The following AMELX variants were observed in gnomAD, a reference collection of about 807,000 sequenced individuals.
AMELX encodes amelogenin X-linked.
AMELX carries 9 observed loss-of-function variants against 15.8 expected under a neutral mutation model. That is an observed-to-expected ratio of 0.57 (90% CI 0.34 to 0.99). AMELX has a LOEUF of 0.99. AMELX is among the 50% of genes least tolerant of loss of function. The pLI is 0.02. For synonymous variants in AMELX, 61 were observed against 58.8 expected (o/e 1.04, Z -0.17); for missense variants, 107 against 156.2 (o/e 0.68, Z 1.68).
rs771907722 is a variant in AMELX at position 11,294,931 on chromosome X, A to G, written c.54+89A>G. On this transcript the variant is annotated intron_variant, in intron 2 of 5. Coordinates refer to ENST00000380714, the MANE Select transcript of AMELX (RefSeq NM_001142.2). ...CTCATAGTTGGTGAAATTAGGGTTTAAAACAGTATGAGATCAGATGTCTTC... is the reference window on the plus strand; with the variant it reads ...CTCATAGTTGGTGAAATTAGGGTTTGAAACAGTATGAGATCAGATGTCTTC... 5 of 983,139 alleles carry G rather than the reference A, an allele frequency of 5.1e-6. No homozygotes were observed. In the Admixed American group the frequency reaches 6.6e-5, roughly 13 times the overall value. 81.0% of individuals were successfully genotyped at this position (983,139 alleles called of 1,213,427 possible).
At chrX:11,296,864 G>A (rs1007196321) in intron 3 of AMELX, 38 bp downstream of exon 3, 16 of 1,175,182 alleles carry the variant, frequency 1.4e-5, no homozygotes, top group East Asian at 1.2e-4. Flanking sequence ...CATTGTTTGC[G>A]TTAACAATGC....
chrX:11,295,711 C>T (rs927219285), intron 2 of AMELX, among the ~76,000 whole-genome samples: 20 of 111,764 alleles, frequency 1.8e-4, no homozygotes, highest in African/African-American at 6.5e-4. Flanking sequence ...CTCAGGGGTC[C>T]CTGCCTTACA....
In AMELX at chrX:11,300,570, T is replaced by C. The variant is rs376830760; in HGVS notation, c.571-37T>C. 1.5e-5 allele frequency: 17 copies of C among 1,131,284 alleles called. No homozygotes were observed. The African/African-American group carries it at 2.7e-4, about 18-fold the overall frequency. The allele number at this position is 1,131,284 out of a possible 1,213,427, so 93.2% of individuals were successfully genotyped here. ...AAATGGTACTCACTAGGAACATTTG[T>C]AAATTATTTTAACTGTTCTTTTGCA... is the stretch of plus-strand genomic sequence containing the variant. On this transcript the variant is annotated intron_variant, in intron 5 of 5. Coordinates refer to ENST00000380714, the MANE Select transcript of AMELX (RefSeq NM_001142.2).
chrX:11,301,898 C>T (rs904999453), downstream of AMELX, among the ~76,000 whole-genome samples: 2 of 112,129 alleles, frequency 1.8e-5, no homozygotes, highest in Admixed American at 9.4e-5. Flanking sequence ...ATATCCTTGG[C>T]TAGCTGTCCA....
At chrX:11,300,084 T>C (rs1461765166) in intron 5 of AMELX, among the ~76,000 whole-genome samples, 1 of 112,064 alleles carries the variant, frequency 8.9e-6, no homozygotes, top group Non-Finnish European at 1.9e-5. Context: ...GTGCCTATCA[T>C]TGGCTATTCT....
chrX:11,298,752 C>A lies in AMELX; in HGVS notation c.349C>A (p.Pro117Thr). The A allele has an allele frequency of 8.3e-7, 1 of 1,211,295 alleles. No homozygotes were observed. Among genetic ancestry groups the A allele is most frequent in the Non-Finnish European group, 1.1e-6 (1 of 895,414 alleles). ...HSMTPIQHHQPNLPPPAQQPY... is the reference protein window; with the variant it reads ...HSMTPIQHHQTNLPPPAQQPY... ...CATGACTCCAATCCAACACCACCAG[C>A]CAAACCTCCCTCCGCCCGCCCAGCA... Residue 117 changes from proline (P) to threonine (T), a missense_variant, in exon 5 of 6, where the codon CCA (proline) becomes ACA (threonine). Transcript: ENST00000380714.
chrX:11,298,622 C>T lies in AMELX; in HGVS notation c.219C>T (p.His73=), dbSNP rs2106416. Residue 73 remains histidine, a synonymous_variant, in exon 5 of 6, where the codon CAC becomes CAT. Coordinates refer to ENST00000380714, the MANE Select transcript of AMELX (RefSeq NM_001142.2). ...TCATCCCCGTGCTGTCCCAACAGCA[C>T]CCCCCGACTCACACCCTGCAGCCTC... is the stretch of plus-strand genomic sequence containing the variant. ...HQIIPVLSQQ[H]PPTHTLQPHH... 0.2 allele frequency: 245,578 copies of T among 1,207,173 alleles called. 17,793 individuals carry two copies. The highest frequency in any genetic ancestry group is 0.29 in the African/African-American group (16,110 of 56,157).
At chrX:11,300,900 A>G (rs2048165952), downstream of AMELX, 1 of 227,293 alleles carries the variant, frequency 4.4e-6, no homozygotes, top group Non-Finnish European at 8.0e-6. Context: ...TAAGGAATAT[A>G]TTTCTTTTTA....
the AMELX span, among the ~76,000 whole-genome samples, chrX:11,305,916 A>G: frequency 8.9e-6 from 1 of 112,147 alleles, no homozygotes; most frequent in East Asian, 2.8e-4. Flanking sequence ...ATGATTAAGC[A>G]CTGACCTTGG....
chrX:11,294,504 A>T (rs2048048400), intron 1 of AMELX, among the ~76,000 whole-genome samples: 1 of 112,015 alleles, frequency 8.9e-6, no homozygotes, highest in Admixed American at 9.5e-5. Context: ...GGAAAATGGC[A>T]TGCAAAGTCA....
chrX:11,302,496 T>C (rs1202114153), downstream of AMELX, among the ~76,000 whole-genome samples: 1 of 111,520 alleles, frequency 9.0e-6, no homozygotes, highest in African/African-American at 3.3e-5. Flanking sequence ...CTAAAATGGT[T>C]TCCCCTCTAG....
chrX:11,306,079 C>T, the AMELX span, among the ~76,000 whole-genome samples: 2 of 111,428 alleles, frequency 1.8e-5, no homozygotes, highest in Non-Finnish European at 3.8e-5. Context: ...CACCTCAATG[C>T]CACCTCTTCT....
intron 2 of AMELX, 92 bp from the exon 3 acceptor site, chrX:11,296,687 G>A: frequency 1.0e-6 from 1 of 992,737 alleles, no homozygotes; most frequent in South Asian, 2.0e-5. Context: ...GTGAACAATT[G>A]CATACTGACT....
In AMELX at chrX:11,298,921, ATCTGAC is replaced by A; in HGVS notation, c.523_528del (p.Thr175_Leu176del). On this transcript the variant is annotated inframe_deletion, in exon 5 of 6. Transcript: ENST00000380714. ...CAGCCCCTGCCTCCCATGCTTCCTGATCTGACTCTGGAAGCTTGGCCATCAACAGAC... is the reference window on the plus strand; with the variant it reads ...CAGCCCCTGCCTCCCATGCTTCCTGATCTGGAAGCTTGGCCATCAACAGAC... 8.3e-7 allele frequency: 1 copy of A among 1,210,889 alleles called. No individual in the cohort carries two copies. The highest frequency in any genetic ancestry group is 1.1e-6 in the Non-Finnish European group (1 of 895,309).
chrX:11,299,497 G>C (rs1321339220), intron 5 of AMELX, among the ~76,000 whole-genome samples: 1 of 111,881 alleles, frequency 8.9e-6, no homozygotes, highest in African/African-American at 3.2e-5. Flanking sequence ...ACTTGGAGGC[G>C]GCTAAACTAA....
intron 2 of AMELX, among the ~76,000 whole-genome samples, chrX:11,295,511 A>G (rs1390393845): frequency 9.0e-6 from 1 of 111,521 alleles, no homozygotes; most frequent in Non-Finnish European, 1.9e-5. Context: ...CAGGTGCATA[A>G]GGGCAGAGAA....
chrX:11,298,288 A>G lies in AMELX; in HGVS notation c.144+11A>G. 1 of 1,208,525 alleles carries G rather than the reference A, an allele frequency of 8.3e-7. No homozygotes were observed. The highest frequency in any genetic ancestry group is 1.1e-6 in the Non-Finnish European group (1 of 892,464). Reference sequence around the variant, plus strand: ...AGCATAAGGCCACCGGTATGTAGACATTTTGTTCCTTATTCCCTGAAAATA... The same window carrying G: ...AGCATAAGGCCACCGGTATGTAGACGTTTTGTTCCTTATTCCCTGAAAATA... On this transcript the variant is annotated intron_variant, in intron 4 of 5. Transcript: ENST00000380714.
At chrX:11,298,001 A>G in intron 3 of AMELX, 2 of 837,883 alleles carry the variant, frequency 2.4e-6, no homozygotes, top group Admixed American at 4.4e-5. Context: ...CTTGCCTCCT[A>G]GCATATAAGA....
At chrX:11,294,943 G>T in intron 2 of AMELX, 101 bp downstream of exon 2, 1 of 902,508 alleles carries the variant, frequency 1.1e-6, no homozygotes, top group East Asian at 3.1e-5. Context: ...AACAGTATGA[G>T]ATCAGATGTC....
Sources: gnomAD v4.1 joint callset for allele counts (sites outside exome capture counted in the v4.1 genomes callset) on GRCh38, gnomAD v4.1.1 for gene constraint, MANE v1.5 for transcripts, NCBI Gene and HGNC (gene_info 2026-07-23, HGNC 2026-07-21) for gene names.